The following GASK1A variants were observed in gnomAD, a reference collection of about 807,000 sequenced individuals.
The protein encoded by GASK1A is golgi associated kinase 1A, also known as Golgi-associated kinase 1A.
In GASK1A, 40 loss-of-function variants were observed where a neutral mutation model predicts 41.2. The ratio of observed to expected loss-of-function variants is 0.97; its 90% CI spans 0.75 to 1.27. GASK1A has a LOEUF of 1.27. GASK1A is among the 50% of genes most tolerant of loss of function. GASK1A has a pLI of 0.00. For missense variants in GASK1A, 678 were observed against 745.1 expected, an observed-to-expected ratio of 0.91 and a Z score of 1.05; for synonymous variants, 316 against 307.1, an observed-to-expected ratio of 1.03 and a Z score of -0.30.
intron 1 of GASK1A, among the ~76,000 whole-genome samples, chr3:42,997,445 G>GA (rs1559397773): frequency 6.6e-6 from 1 of 151,422 alleles, no homozygotes; most frequent in East Asian, 1.9e-4. Flanking sequence ...AGAGGGGGGG[G>GA]GGATCTGGGA....
intron 1 of GASK1A, among the ~76,000 whole-genome samples, chr3:43,015,604 T>C (rs1391550351): frequency 7.6e-6 from 1 of 131,964 alleles, no homozygotes; most frequent in Non-Finnish European, 1.6e-5. Flanking sequence ...AAGTAGGAAG[T>C]CACAGGAAGC....
intron 1 of GASK1A, among the ~76,000 whole-genome samples, chr3:43,003,053 A>C (rs562442352): frequency 6.6e-6 from 1 of 152,280 alleles, no homozygotes; most frequent in African/African-American, 2.4e-5. Flanking sequence ...TCTGCAGTGA[A>C]TCTTTAGAGC....
intron 1 of GASK1A, among the ~76,000 whole-genome samples, chr3:43,019,751 G>A (rs990685216): frequency 1.4e-5 from 2 of 137,978 alleles, no homozygotes; most frequent in Non-Finnish European, 3.2e-5. Context: ...CCCAAATTCC[G>A]TTTTTAACAC....
intron 1 of GASK1A, among the ~76,000 whole-genome samples, chr3:42,980,747 C>A (rs1026195934): frequency 6.6e-6 from 1 of 152,052 alleles, no homozygotes; most frequent in Non-Finnish European, 1.5e-5. Flanking sequence ...GTATGTTTCA[C>A]CCCTCCTAAC....
At chr3:43,047,999 G>C (rs1365586307) in intron 2 of GASK1A, among the ~76,000 whole-genome samples, 3 of 152,298 alleles carry the variant, frequency 2.0e-5, no homozygotes, top group African/African-American at 7.2e-5. Context: ...GGAAGGAAAG[G>C]CAAATGAATG....
intron 1 of GASK1A, among the ~76,000 whole-genome samples, chr3:42,988,541 G>C (rs1230684382): frequency 6.6e-6 from 1 of 152,234 alleles, no homozygotes; most frequent in East Asian, 1.9e-4. Flanking sequence ...AGAGACACAG[G>C]GATGCGAGAT....
At chr3:43,032,144 G>A in intron 1 of GASK1A, 123 bp from the exon 2 acceptor site, 1 of 740,404 alleles carries the variant, frequency 1.4e-6, no homozygotes, top group Non-Finnish European at 2.1e-6. Context: ...CCTCCACTTG[G>A]GCTGTGCTCT....
At position 43,033,218 on chromosome 3, in the gene GASK1A, C is replaced by T. The variant is rs2089588239; in HGVS notation, c.955C>T (p.Leu319=). The change falls in exon 2 of 5, where the codon CTG becomes TTG. Residue 319 remains leucine, a synonymous_variant. Coordinates refer to ENST00000430121, the MANE Select transcript of GASK1A (RefSeq NM_001129908.3). ...ACTCTGTTCCCAAGGGCTCTGTGGC[C>T]TGATCAAGAGGCCTGGGGACCTGCC... ...SQLCSQGLCG[L]IKRPGDLPEV... is the part of the protein sequence containing the mutation. 6.4e-7 allele frequency: 1 copy of T among 1,551,694 alleles called. No homozygotes were observed. Among genetic ancestry groups the T allele is most frequent in the African/African-American group, 1.4e-5 (1 of 73,178 alleles).
intron 1 of GASK1A, among the ~76,000 whole-genome samples, chr3:42,983,722 A>T (rs897897504): frequency 6.6e-6 from 1 of 152,154 alleles, no homozygotes; most frequent in African/African-American, 2.4e-5. Context: ...AGCCTGTGGG[A>T]AATTTGATCC....
chr3:43,004,732 A>G (rs1259717365), intron 1 of GASK1A, among the ~76,000 whole-genome samples: 1 of 152,198 alleles, frequency 6.6e-6, no homozygotes, highest in African/African-American at 2.4e-5. Flanking sequence ...ATTAGGTAAT[A>G]ATTTTGGTGA....
chr3:43,033,342 A>T lies in GASK1A; in HGVS notation c.1079A>T (p.Tyr360Phe). 1 of 1,551,378 alleles carries T rather than the reference A, an allele frequency of 6.4e-7. No homozygotes were observed. The highest frequency in any genetic ancestry group is 1.4e-5 in the African/African-American group (1 of 73,166). The change falls in exon 2 of 5, where the codon TAC becomes TTC. Residue 360 changes from tyrosine (Y) to phenylalanine (F), a missense_variant. Physicochemically the swap from Tyr to Phe is conservative, Grantham distance 22 (BLOSUM62 3). Coordinates refer to ENST00000430121, the MANE Select transcript of GASK1A (RefSeq NM_001129908.3). ...RFHSPLLPYR[Y>F]TDGGARPVIW... ...CATAGCCCCCTCCTGCCCTACCGAT[A>T]CACAGACGGTGGAGCAAGGCCTGTC...
chr3:42,995,804 T>C (rs2089366123), intron 1 of GASK1A, among the ~76,000 whole-genome samples: 2 of 152,218 alleles, frequency 1.3e-5, no homozygotes, highest in Non-Finnish European at 2.9e-5. Context: ...TCTGGAAGGT[T>C]GGAAAGGTAT....
chr3:43,037,191 T>C, intron 2 of GASK1A: 6 of 1,143,866 alleles, frequency 5.2e-6, no homozygotes, highest in Non-Finnish European at 7.9e-6. Flanking sequence ...AGAACCTAAG[T>C]CAAAATCTGG....
chr3:43,015,127 G>A (rs1436673479), intron 1 of GASK1A, among the ~76,000 whole-genome samples: 2 of 151,700 alleles, frequency 1.3e-5, no homozygotes, highest in Non-Finnish European at 2.9e-5. Context: ...ACAGGTAGGG[G>A]CAGTGTGAAG....
chr3:43,038,811 G>A (rs1377131315), intron 2 of GASK1A, among the ~76,000 whole-genome samples: 1 of 152,094 alleles, frequency 6.6e-6, no homozygotes, highest in African/African-American at 2.4e-5. Flanking sequence ...CAGAAGTGAG[G>A]TGTAATTCCC....
chr3:43,055,245 A>T (rs2089710104), intron 3 of GASK1A, among the ~76,000 whole-genome samples, 187 bp from the exon 4 acceptor site: 1 of 152,184 alleles, frequency 6.6e-6, no homozygotes, highest in Admixed American at 6.5e-5. Flanking sequence ...AATTGACAGG[A>T]TGTCTGGAAG....
Position 43,053,539 on chromosome 3 carries a change from C to G in GASK1A, c.1309C>G (p.Arg437Gly). Residue 437 changes from arginine (R) to glycine (G), a missense_variant, in exon 3 of 5, where the codon CGC (arginine) becomes GGC (glycine). By Grantham distance (125) the Arg-to-Gly change is moderately radical. Transcript: ENST00000430121. ...FLLQVHDRLD[R>G]YCCGFEPEPS... Reference sequence around the variant, plus strand: ...TCCACAGGTCCACGACCGCTTGGATCGCTACTGCTGTGGCTTCGAGCCTGA... The same window carrying G: ...TCCACAGGTCCACGACCGCTTGGATGGCTACTGCTGTGGCTTCGAGCCTGA... The G allele has an allele frequency of 6.5e-7, 1 of 1,549,464 alleles. No homozygotes were observed. The highest frequency in any genetic ancestry group is 1.2e-5 in the South Asian group (1 of 83,954).
In GASK1A at chr3:42,984,296, A is replaced by ATCTT. The variant is rs1553613227; in HGVS notation, c.3+4654_3+4655insTTCT. ...CTTCTTTATGTGGATTTCACTTCCT[A>ATCTT]TCTCTCTCTCTCTCTCTTTCTCTCT... On this transcript the variant is annotated intron_variant, in intron 1 of 4. Transcript: ENST00000430121. The surrounding 1 kb of genome is among the most constrained non-coding windows in gnomAD (Gnocchi z 4.2). 6.7e-6 allele frequency among the ~76,000 whole-genome samples: 1 copy of ATCTT among 149,630 alleles called. No individual in the cohort carries two copies. The highest frequency in any genetic ancestry group is 2.0e-4 in the East Asian group (1 of 5,060).
chr3:42,989,106 A>G (rs971050387), intron 1 of GASK1A, among the ~76,000 whole-genome samples: 11 of 152,254 alleles, frequency 7.2e-5, no homozygotes, highest in African/African-American at 1.9e-4. Flanking sequence ...CAGGAGCCGC[A>G]GTCCCTTTCA....
Sources: allele counts gnomAD v4.1 joint callset (sites outside exome capture counted in the v4.1 genomes callset), GRCh38; gene constraint gnomAD v4.1.1; non-coding constraint Gnocchi (gnomAD v3.1); transcripts MANE v1.5; gene names NCBI Gene and HGNC (gene_info 2026-07-23, HGNC 2026-07-21).